Variants in LDLRAD3 observed in about 807,000 individuals in gnomAD.
LDLRAD3 encodes the protein low density lipoprotein receptor class A domain containing 3.
A neutral mutation model predicts 29.4 loss-of-function variants in LDLRAD3; 20 were observed. The observed-to-expected ratio is 0.68, with a 90% CI of 0.48 to 0.99. The LOEUF (loss-of-function observed/expected upper bound fraction) is 0.99. Among genes scored for constraint, LDLRAD3 ranks in the 50% least tolerant of loss-of-function variants. The pLI, the probability that LDLRAD3 is intolerant of heterozygous loss-of-function variation, is 0.00. For missense variants in LDLRAD3, 420 were observed against 454.3 expected (o/e 0.92, Z 0.69); for synonymous variants, 157 against 192.7 (o/e 0.81, Z 1.53).
At chr11:36,069,680 G>A (rs368670398) in intron 2 of LDLRAD3, among the ~76,000 whole-genome samples, 10 of 151,012 alleles carry the variant, frequency 6.6e-5, no homozygotes, top group Admixed American at 2.6e-4. Context: ...GTACTTTTGC[G>A]TATATGAGAA....
At chr11:35,965,918 CATT>C (rs1251287114) in intron 1 of LDLRAD3, among the ~76,000 whole-genome samples, 1 of 152,162 alleles carries the variant, frequency 6.6e-6, no homozygotes, top group African/African-American at 2.4e-5. Context: ...TTATGACCAA[CATT>C]ATTTTATAGC....
chr11:36,032,216 G>GA (rs1318168167), intron 1 of LDLRAD3, among the ~76,000 whole-genome samples: 3 of 152,164 alleles, frequency 2.0e-5, no homozygotes, highest in Non-Finnish European at 4.4e-5. Flanking sequence ...AAATTTTGGG[G>GA]GGACACAATT....
intron 4 of LDLRAD3, among the ~76,000 whole-genome samples, chr11:36,205,561 G>A (rs553189948): frequency 3.3e-5 from 5 of 152,312 alleles, no homozygotes; most frequent in African/African-American, 7.2e-5. Context: ...AGCATCTCCT[G>A]TTATTCCCCC....
At chr11:36,177,980 T>C (rs1364191831) in intron 4 of LDLRAD3, among the ~76,000 whole-genome samples, 1 of 152,220 alleles carries the variant, frequency 6.6e-6, no homozygotes, top group Non-Finnish European at 1.5e-5. Flanking sequence ...GGCTGTCTCA[T>C]GGAGTTTGCA....
chr11:35,962,780 T>C (rs949795855), intron 1 of LDLRAD3, among the ~76,000 whole-genome samples: 4 of 152,200 alleles, frequency 2.6e-5, no homozygotes, highest in Non-Finnish European at 5.9e-5. Flanking sequence ...GCTATTTGCA[T>C]ACATAGGACA....
At chr11:36,068,137 TG>T (rs1852827494) in intron 2 of LDLRAD3, among the ~76,000 whole-genome samples, 1 of 152,182 alleles carries the variant, frequency 6.6e-6, no homozygotes, top group Non-Finnish European at 1.5e-5. Flanking sequence ...CCCCCACACT[TG>T]GTTCTGTGTG....
At chr11:36,033,947 T>C (rs1487649461) in intron 1 of LDLRAD3, among the ~76,000 whole-genome samples, 1 of 152,108 alleles carries the variant, frequency 6.6e-6, no homozygotes, top group Non-Finnish European at 1.5e-5. Flanking sequence ...ATAGGAGAAA[T>C]AGTAGCATAA....
chr11:36,106,338 A>G (rs1206791344), intron 4 of LDLRAD3, among the ~76,000 whole-genome samples: 3 of 152,172 alleles, frequency 2.0e-5, no homozygotes, highest in African/African-American at 7.2e-5. Flanking sequence ...GGCCTAATCC[A>G]TCAATATCTG....
intron 1 of LDLRAD3, among the ~76,000 whole-genome samples, chr11:36,021,707 T>C (rs1852097953): frequency 6.6e-6 from 1 of 152,188 alleles, no homozygotes; most frequent in South Asian, 2.1e-4. Context: ...AGTGGCGTGA[T>C]CTTGGCTCAC....
At chr11:35,950,899 T>G (rs545416990) in intron 1 of LDLRAD3, among the ~76,000 whole-genome samples, 7 of 152,058 alleles carry the variant, frequency 4.6e-5, no homozygotes, top group Non-Finnish European at 8.8e-5. Context: ...CTGGCTAACA[T>G]GGTGAAACCC....
chr11:36,062,536 C>T (rs10768175), intron 2 of LDLRAD3, among the ~76,000 whole-genome samples: 149,330 of 152,262 alleles, frequency 0.98, 73,281 homozygotes, highest in Middle Eastern at 1. Flanking sequence ...CCCTGACTGA[C>T]ATGGTTTGGC....
chr11:36,214,262 TAAG>T (rs1282364402), intron 4 of LDLRAD3, among the ~76,000 whole-genome samples: 3 of 152,094 alleles, frequency 2.0e-5, no homozygotes, highest in Non-Finnish European at 4.4e-5. Flanking sequence ...CCTTGGCAAA[TAAG>T]AAGTCCTGGA....
chr11:35,957,206 T>G (rs1026753484), intron 1 of LDLRAD3, among the ~76,000 whole-genome samples: 17 of 152,242 alleles, frequency 1.1e-4, no homozygotes, highest in African/African-American at 4.1e-4. Context: ...TTAGATAGTT[T>G]TGATCATACG....
intron 4 of LDLRAD3, among the ~76,000 whole-genome samples, chr11:36,109,755 T>TAAA (rs35549744): frequency 1.3e-5 from 2 of 151,198 alleles, no homozygotes; most frequent in Non-Finnish European, 2.9e-5. Context: ...GCTTTATATT[T>TAAA]AAAAAAAAAT....
intron 2 of LDLRAD3, among the ~76,000 whole-genome samples, chr11:36,070,989 C>G (rs908992928): frequency 6.6e-6 from 1 of 152,108 alleles, no homozygotes; most frequent in African/African-American, 2.4e-5. Flanking sequence ...CCAGAGAAAC[C>G]AATTCCAGCA....
rs2133398990 is a variant in LDLRAD3, at chr11:36,232,131, A to G, written c.*2734A>G. ...TACTTTCTAATAAATTTGCAGTTTC[A>G]TTCTTTCTGTTTGTGCAAATGGTCC... On this transcript the variant is annotated 3_prime_UTR_variant, in exon 6 of 6. Transcript: ENST00000315571. 1 of 152,324 alleles carries G rather than the reference A, an allele frequency of 6.6e-6. No individual in the cohort carries two copies. Among genetic ancestry groups the G allele is most frequent in the East Asian group, 1.9e-4 (1 of 5,190 alleles). The allele number at this position is 152,324 out of a possible 1,614,324, so 9.4% of individuals were successfully genotyped here.
intron 1 of LDLRAD3, among the ~76,000 whole-genome samples, chr11:35,985,678 A>G (rs903792415): frequency 1.3e-5 from 2 of 152,090 alleles, no homozygotes; most frequent in African/African-American, 2.4e-5. Context: ...CATTCTCGTG[A>G]TAGTGAATAA....
At chr11:36,003,820 G>A (rs1851852886) in intron 1 of LDLRAD3, among the ~76,000 whole-genome samples, 1 of 152,156 alleles carries the variant, frequency 6.6e-6, no homozygotes, top group African/African-American at 2.4e-5. Context: ...ATGGCTGGGA[G>A]GCCTCAGGAA....
chr11:36,191,221 G>A (rs1476671858), intron 4 of LDLRAD3, among the ~76,000 whole-genome samples: 1 of 152,104 alleles, frequency 6.6e-6, no homozygotes, highest in Non-Finnish European at 1.5e-5. Flanking sequence ...AAGGTGTGGG[G>A]AGAGATTTCT....
Sources: gnomAD v4.1 joint callset for allele counts (sites outside exome capture counted in the v4.1 genomes callset) on GRCh38, gnomAD v4.1.1 for gene constraint, MANE v1.5 for transcripts, NCBI Gene and HGNC (gene_info 2026-07-23, HGNC 2026-07-21) for gene names.